TRRAP: variants seen among roughly 807,000 people sequenced by gnomAD.
The protein encoded by TRRAP is transformation/transcription domain-associated protein.
TRRAP carries 41 observed loss-of-function variants against 438.8 expected under a neutral mutation model. The observed-to-expected ratio is 0.09, with a 90% CI of 0.07 to 0.12. The LOEUF (loss-of-function observed/expected upper bound fraction) is 0.12. Ranked by LOEUF, TRRAP falls within the 10% of genes least tolerant of loss-of-function variation. TRRAP has a pLI of 1.00. For synonymous variants in TRRAP, 1,994 were observed against 1,962.9 expected, an observed-to-expected ratio of 1.02 and a Z score of -0.42; for missense variants, 3,122 against 5,055.1, an observed-to-expected ratio of 0.62 and a Z score of 11.60.
At chr7:98,927,093 T>C in intron 22 of TRRAP, 74 bp from the exon 23 acceptor site, 1 of 1,533,260 alleles carries the variant, frequency 6.5e-7, no homozygotes, top group African/African-American at 1.4e-5. Flanking sequence ...ATTAAAAATT[T>C]GAAAAGAAGT....
chr7:98,982,013 C>T (rs772912702), intron 59 of TRRAP, 53 bp downstream of exon 59: 51 of 1,449,658 alleles, frequency 3.5e-5, no homozygotes, highest in South Asian at 5.9e-5. Flanking sequence ...CGCAGCCAAG[C>T]GCCGGTGTCC....
At chr7:99,000,207 C>T (rs899791308) in intron 67 of TRRAP, among the ~76,000 whole-genome samples, 2 of 152,124 alleles carry the variant, frequency 1.3e-5, no homozygotes, top group East Asian at 3.9e-4. Context: ...TGGGGTTTCA[C>T]TACGTTGGCC....
intron 51 of TRRAP, among the ~76,000 whole-genome samples, chr7:98,969,220 C>G (rs1299931658): frequency 2.0e-5 from 3 of 152,206 alleles, no homozygotes; most frequent in Non-Finnish European, 4.4e-5. Flanking sequence ...GGCATAAAAT[C>G]CAGCCTCCAG....
chr7:98,915,300 C>G (rs1371935210), intron 18 of TRRAP, among the ~76,000 whole-genome samples: 1 of 152,054 alleles, frequency 6.6e-6, no homozygotes, highest in African/African-American at 2.4e-5. Context: ...TCAAGCAATT[C>G]TCTTGCCTCA....
intron 3 of TRRAP, among the ~76,000 whole-genome samples, chr7:98,889,844 A>G (rs1187340423): frequency 6.6e-6 from 1 of 152,154 alleles, no homozygotes; most frequent in African/African-American, 2.4e-5. Flanking sequence ...CATGAGCTAC[A>G]GTGCCCAGCC....
At chr7:98,938,558 AAT>A (rs35732369) in intron 30 of TRRAP, among the ~76,000 whole-genome samples, 1 of 151,358 alleles carries the variant, frequency 6.6e-6, no homozygotes, top group Non-Finnish European at 1.5e-5. Flanking sequence ...AAGGGGGTAC[AAT>A]ATATATATAC....
intron 27 of TRRAP, among the ~76,000 whole-genome samples, chr7:98,935,330 A>C (rs1232889048): frequency 1.3e-5 from 2 of 152,192 alleles, no homozygotes; most frequent in African/African-American, 4.8e-5. Flanking sequence ...GTGGGTGAGA[A>C]AAAAACATGG....
chr7:98,886,571 A>G (rs950620010), intron 3 of TRRAP, among the ~76,000 whole-genome samples: 5 of 152,154 alleles, frequency 3.3e-5, no homozygotes, highest in Admixed American at 1.3e-4. Context: ...TTTCCAAGTA[A>G]TGACTTTTGC....
At chr7:98,895,639 C>T in intron 6 of TRRAP, 125 bp from the exon 7 acceptor site, 1 of 635,222 alleles carries the variant, frequency 1.6e-6, no homozygotes. Context: ...TATCTTGAGC[C>T]CACCATTTTC....
intron 20 of TRRAP, among the ~76,000 whole-genome samples, 154 bp downstream of exon 20, chr7:98,917,833 T>C (rs1273829794): frequency 1.3e-5 from 2 of 152,048 alleles, no homozygotes; most frequent in African/African-American, 4.8e-5. Context: ...TTGAAATATG[T>C]AAAGAAGGCC....
intron 47 of TRRAP, 41 bp from the exon 48 acceptor site, chr7:98,964,588 G>GTT: frequency 6.3e-7 from 1 of 1,595,566 alleles, no homozygotes; most frequent in South Asian, 1.1e-5. Context: ...TTTCGTGGTT[G>GTT]TTACTTTTCT....
chr7:98,946,450 C>A (rs1019295148), intron 33 of TRRAP, among the ~76,000 whole-genome samples: 1 of 151,028 alleles, frequency 6.6e-6, no homozygotes, highest in African/African-American at 2.4e-5. Flanking sequence ...GATGCACTCA[C>A]AACACGCGTG....
chr7:98,973,877 G>C (rs368413579), intron 53 of TRRAP, among the ~76,000 whole-genome samples: 1 of 152,200 alleles, frequency 6.6e-6, no homozygotes, highest in Non-Finnish European at 1.5e-5. Flanking sequence ...ACCTGTGCCC[G>C]CCTCTTAGCA....
chr7:98,893,677 A>G, intron 5 of TRRAP, 121 bp from the exon 6 acceptor site: 1 of 875,964 alleles, frequency 1.1e-6, no homozygotes, highest in South Asian at 1.5e-5. Flanking sequence ...CTGTGAGCTG[A>G]TGAATTTTCA....
chr7:98,915,666 A>T, intron 18 of TRRAP, 57 bp from the exon 19 acceptor site: 1 of 1,558,558 alleles, frequency 6.4e-7, no homozygotes, highest in South Asian at 1.2e-5. Flanking sequence ...TAGAGTCTGG[A>T]GGGTATAGAC....
intron 43 of TRRAP, among the ~76,000 whole-genome samples, chr7:98,957,136 G>A (rs574515888): frequency 6.6e-6 from 1 of 152,178 alleles, no homozygotes; most frequent in Admixed American, 6.5e-5. Flanking sequence ...CATTGGCCTC[G>A]CTCCACACAT....
In TRRAP at chr7:98,948,532, G is replaced by T; in HGVS notation, c.4669-34G>T. The stretch of plus-strand genomic sequence containing the variant: ...CAGCCTCAAGCTCTGAGAAGAGGAA[G>T]TTGTGAGATGCAGCATTCCCACATG... On this transcript the variant is annotated intron_variant, in intron 34 of 72. Transcript: ENST00000456197. This position sits in a 1 kb window ranked among gnomAD's most constrained non-coding sequence, Gnocchi z 4.9. The T allele has an allele frequency of 6.2e-7, 1 of 1,614,104 alleles. No homozygotes were observed. Among genetic ancestry groups the T allele is most frequent in the Non-Finnish European group, 8.5e-7 (1 of 1,180,018 alleles).
In TRRAP at chr7:98,909,189, A is replaced by G. The variant is rs1218930574; in HGVS notation, c.1350+227A>G. On this transcript the variant is annotated intron_variant, in intron 14 of 72. Coordinates refer to ENST00000456197, the MANE Select transcript of TRRAP (RefSeq NM_001375524.1). ...TAGGCATGCACCATCATGCCCAACT[A>G]ACATTTTGTATTTTAGTAGAGACAG... 2.0e-5 allele frequency among the ~76,000 whole-genome samples: 3 copies of G among 146,428 alleles called. 1 individual carries two copies.
intron 53 of TRRAP, among the ~76,000 whole-genome samples, chr7:98,974,488 C>T (rs551930084): frequency 5.3e-5 from 8 of 152,244 alleles, no homozygotes; most frequent in Admixed American, 2.0e-4. Flanking sequence ...TCGCTGGGCT[C>T]TTTTGACACT....
Sources: allele counts gnomAD v4.1 joint callset (sites outside exome capture counted in the v4.1 genomes callset), GRCh38; gene constraint gnomAD v4.1.1; non-coding constraint Gnocchi (gnomAD v3.1); transcripts MANE v1.5; gene names NCBI Gene and HGNC (gene_info 2026-07-23, HGNC 2026-07-21).